Variants in AGK observed in about 807,000 individuals in gnomAD.
AGK encodes the protein acylglycerol kinase, mitochondrial.
AGK carries 52 observed loss-of-function variants against 66.4 expected under a neutral mutation model. That is an observed-to-expected ratio of 0.78 (90% CI 0.63 to 0.99). AGK has a LOEUF of 0.99. AGK is among the 50% of genes least tolerant of loss of function. The probability of loss-of-function intolerance (pLI) is 0.00; values close to 1 mark genes in which losing one functional copy is unlikely to be tolerated. For missense variants in AGK, 451 were observed against 506.6 expected (o/e 0.89, Z 1.05); for synonymous variants, 182 against 181.1 (o/e 1.00, Z -0.04).
rs568151763 is a variant in AGK at position 141,626,526 on chromosome 7, TC to T, written c.588+4726del. ...AGAAATCTAGTGATCAAACTTAGCA[TC>T]ATGAATAATGGATAAACTGACATTG... On this transcript the variant is annotated intron_variant, in intron 9 of 15. Transcript: ENST00000649286. 1.7e-3 allele frequency among the ~76,000 whole-genome samples: 260 copies of T among 152,314 alleles called. 2 individuals carry two copies. Among genetic ancestry groups the T allele is most frequent in the South Asian group, 0.01 (49 of 4,830 alleles).
At chr7:141,615,413 C>T in intron 7 of AGK, 58 bp from the exon 8 acceptor site, 1 of 1,426,812 alleles carries the variant, frequency 7.0e-7, no homozygotes, top group African/African-American at 1.4e-5. Context: ...TGTGCTTCTC[C>T]ATTAAGCCTG....
intron 11 of AGK, among the ~76,000 whole-genome samples, chr7:141,637,457 G>T (rs773541452): frequency 3.9e-5 from 6 of 152,068 alleles, no homozygotes; most frequent in Non-Finnish European, 8.8e-5. Flanking sequence ...GCTAAATATG[G>T]GCGGTGGTTA....
chr7:141,597,949 A>G (rs1281697393), intron 4 of AGK, among the ~76,000 whole-genome samples: 1 of 150,138 alleles, frequency 6.7e-6, no homozygotes, highest in African/African-American at 2.4e-5. Context: ...GTAAATATGT[A>G]TTAAATTGGA....
At chr7:141,586,696 G>A (rs532160309) in intron 2 of AGK, among the ~76,000 whole-genome samples, 1 of 152,288 alleles carries the variant, frequency 6.6e-6, no homozygotes, top group African/African-American at 2.4e-5. Context: ...AAAGTTCGTT[G>A]TGTCTCTTAA....
chr7:141,569,215 T>C (rs922737267), intron 2 of AGK, among the ~76,000 whole-genome samples: 1 of 152,148 alleles, frequency 6.6e-6, no homozygotes, highest in Non-Finnish European at 1.5e-5. Flanking sequence ...TTCAGTGTCA[T>C]TCGATTTTAC....
At chr7:141,616,743 T>C (rs896623705) in intron 8 of AGK, among the ~76,000 whole-genome samples, 3 of 148,254 alleles carry the variant, frequency 2.0e-5, no homozygotes, top group Admixed American at 1.3e-4. Flanking sequence ...TTGGCCATCC[T>C]TTTTTTTTCT....
At chr7:141,601,312 C>A in intron 5 of AGK, 32 bp downstream of exon 5, 1 of 1,545,914 alleles carries the variant, frequency 6.5e-7, no homozygotes, top group Non-Finnish European at 8.9e-7. Flanking sequence ...TTATTTCACC[C>A]AAGCAGCTGC....
chr7:141,592,052 C>G (rs1279727650), intron 2 of AGK, among the ~76,000 whole-genome samples: 1 of 152,150 alleles, frequency 6.6e-6, no homozygotes, highest in Non-Finnish European at 1.5e-5. Context: ...GCAGAAGAAA[C>G]TTAATATCAA....
At chr7:141,634,173 G>A (rs912477323) in intron 10 of AGK, among the ~76,000 whole-genome samples, 193 bp downstream of exon 10, 5 of 152,226 alleles carry the variant, frequency 3.3e-5, no homozygotes, top group African/African-American at 1.2e-4. Flanking sequence ...GCTGGGGAAA[G>A]TTGCAGCTTC....
chr7:141,629,333 A>C (rs960363537), intron 9 of AGK, among the ~76,000 whole-genome samples: 1 of 152,036 alleles, frequency 6.6e-6, no homozygotes, highest in Non-Finnish European at 1.5e-5. Context: ...GGAGGCTGTG[A>C]ATTGGGGCAG....
intron 2 of AGK, among the ~76,000 whole-genome samples, chr7:141,572,074 A>G (rs1795618808): frequency 1.3e-5 from 2 of 152,212 alleles, no homozygotes; most frequent in Admixed American, 6.5e-5. Flanking sequence ...ACTTGACTGT[A>G]AAGTTGCATG....
rs1184115454 is a variant in AGK, at chr7:141,601,246, T to C, written c.263T>C (p.Leu88Ser). ...TTTGAAAAAAATGCTGCCCCGATTT[T>C]ACATTTATCTGGCATGGATGTGACT... is the stretch of plus-strand genomic sequence containing the variant. ...TLFEKNAAPI[L>S]HLSGMDVTIV... The change falls in exon 5 of 16, where the codon TTA becomes TCA. Residue 88 changes from leucine to serine, a missense_variant. By Grantham distance (145) the Leu-to-Ser change is moderately radical. Coordinates refer to ENST00000649286, the MANE Select transcript of AGK (RefSeq NM_018238.4). 2 of 1,613,078 alleles carry C rather than the reference T, an allele frequency of 1.2e-6. No homozygotes were observed. The highest frequency in any genetic ancestry group is 1.3e-5 in the African/African-American group (1 of 74,904).
At chr7:141,596,136 T>G (rs1435688074) in intron 3 of AGK, among the ~76,000 whole-genome samples, 1 of 152,194 alleles carries the variant, frequency 6.6e-6, no homozygotes, top group Admixed American at 6.5e-5. Context: ...TGTAAACATA[T>G]GAAGATTAAC....
intron 9 of AGK, among the ~76,000 whole-genome samples, chr7:141,631,641 C>T (rs897283077): frequency 1.3e-5 from 2 of 152,142 alleles, no homozygotes; most frequent in African/African-American, 4.8e-5. Flanking sequence ...CATCTTTTAT[C>T]TGGATCATTC....
In AGK at chr7:141,638,451, A is replaced by G. The variant is rs186305681; in HGVS notation, c.726+1434A>G. On this transcript the variant is annotated intron_variant, in intron 11 of 15. Transcript: ENST00000649286. The stretch of plus-strand genomic sequence containing the variant: ...CAATTTGACTTTTATCCTTAAAGCA[A>G]TGGGGAGTTATTGAGTCTTGAGCAG... 1.1e-4 allele frequency among the ~76,000 whole-genome samples: 17 copies of G among 152,254 alleles called. No individual in the cohort carries two copies. In the East Asian group the frequency reaches 2.7e-3, roughly 24 times the overall value.
chr7:141,654,105 C>CTTCT lies in AGK; in HGVS notation c.*1183_*1186dup, dbSNP rs368182908. On this transcript the variant is annotated 3_prime_UTR_variant, in exon 16 of 16. Transcript: ENST00000649286. ...CATCTTTTAATCATTCACCCCATTACTTCTTGTCAACAAAAAATATAAATG... is the reference window on the plus strand; with the variant it reads ...CATCTTTTAATCATTCACCCCATTACTTCTTTCTTGTCAACAAAAAATATAAATG... 39 of 152,196 alleles carry CTTCT rather than the reference C, an allele frequency of 2.6e-4. No individual in the cohort carries two copies. Among genetic ancestry groups the CTTCT allele is most frequent in the African/African-American group, 8.9e-4 (37 of 41,522 alleles). The allele number at this position is 152,196 out of a possible 1,614,324, so 9.4% of individuals were successfully genotyped here.
intron 8 of AGK, among the ~76,000 whole-genome samples, chr7:141,618,138 G>A (rs1796746962): frequency 1.3e-5 from 2 of 152,214 alleles, no homozygotes; most frequent in South Asian, 2.1e-4. Flanking sequence ...CACTGGTTTA[G>A]GTGGATTTGA....
intron 8 of AGK, among the ~76,000 whole-genome samples, chr7:141,620,580 G>A (rs1304955391): frequency 2.0e-5 from 3 of 151,942 alleles, no homozygotes; most frequent in Admixed American, 2.0e-4. Flanking sequence ...AAACCACTTT[G>A]GAAACCACTT....
Position 141,611,283 on chromosome 7 carries a change from A to G in AGK, c.386A>G (p.Gln129Arg). The G allele has an allele frequency of 1.2e-6, 2 of 1,610,220 alleles. No homozygotes were observed. The highest frequency in any genetic ancestry group is 1.7e-6 in the Non-Finnish European group (2 of 1,177,326). The change falls in exon 6 of 16, where the codon CAG becomes CGG. Residue 129 changes from glutamine (Q) to arginine (R), a missense_variant. By Grantham distance (43) the Gln-to-Arg change is conservative. Transcript: ENST00000649286. ...GTTGCAGGAGGAGATGGGACACTGC[A>G]GGAGGTATGACTGTTTTTCTCTTTG... is the stretch of plus-strand genomic sequence containing the variant. ...IIVAGGDGTL[Q>R]EVVTGVLRRT...
Sources: gnomAD v4.1 joint callset for allele counts (sites outside exome capture counted in the v4.1 genomes callset) on GRCh38, gnomAD v4.1.1 for gene constraint, MANE v1.5 for transcripts, NCBI Gene and HGNC (gene_info 2026-07-23, HGNC 2026-07-21) for gene names.